The following CPXM2 variants were observed in gnomAD, a reference collection of about 807,000 sequenced individuals.
The protein encoded by CPXM2 is carboxypeptidase X, M14 family member 2, also known as inactive carboxypeptidase-like protein X2.
Under a neutral mutation model 86.1 loss-of-function variants are expected in CPXM2, and 66 were observed. The ratio of observed to expected loss-of-function variants is 0.77; its 90% CI spans 0.63 to 0.94. The LOEUF (loss-of-function observed/expected upper bound fraction) is 0.94. CPXM2 is among the 40% of genes least tolerant of loss of function. The pLI is 0.00. For missense variants in CPXM2, 948 were observed against 1,026.3 expected (o/e 0.92, Z 1.04); for synonymous variants, 388 against 400.2 (o/e 0.97, Z 0.36).
At chr10:123,809,623 T>C (rs2134089571) in intron 4 of CPXM2, among the ~76,000 whole-genome samples, 1 of 152,240 alleles carries the variant, frequency 6.6e-6, no homozygotes, top group African/African-American at 2.4e-5. Flanking sequence ...ATACATAAAT[T>C]GACTTAAGTA....
chr10:123,765,983 T>C (rs969767504), intron 10 of CPXM2, among the ~76,000 whole-genome samples: 3 of 152,246 alleles, frequency 2.0e-5, no homozygotes, highest in Non-Finnish European at 4.4e-5. Context: ...TTCCCAGCCT[T>C]CCTTGCAGTG....
intron 3 of CPXM2, among the ~76,000 whole-genome samples, chr10:123,860,713 G>A (rs1848831097): frequency 1.3e-5 from 2 of 152,198 alleles, no homozygotes; most frequent in Admixed American, 6.5e-5. Flanking sequence ...CTGGAGCCCC[G>A]TCTAGGGTAC....
chr10:123,756,567 G>T (rs1179553392), intron 12 of CPXM2, among the ~76,000 whole-genome samples: 2 of 152,166 alleles, frequency 1.3e-5, no homozygotes, highest in African/African-American at 2.4e-5. Flanking sequence ...GGACTCAGTT[G>T]TGTCCCCACC....
chr10:123,914,275 A>T (rs1458629155), intron 2 of CPXM2, among the ~76,000 whole-genome samples: 1 of 152,114 alleles, frequency 6.6e-6, no homozygotes, highest in Non-Finnish European at 1.5e-5. Flanking sequence ...ACATTCTCCC[A>T]TCTGGGATAC....
At chr10:123,773,066 C>T (rs1361734934) in intron 7 of CPXM2, among the ~76,000 whole-genome samples, 1 of 151,870 alleles carries the variant, frequency 6.6e-6, no homozygotes, top group Non-Finnish European at 1.5e-5. Flanking sequence ...GTGGTTATCA[C>T]TTCCCTGATT....
chr10:123,890,311 C>G (rs1945246714), intron 1 of CPXM2, among the ~76,000 whole-genome samples: 1 of 152,252 alleles, frequency 6.6e-6, no homozygotes, highest in African/African-American at 2.4e-5. Flanking sequence ...CAAATGGAAG[C>G]ATGCCAGGGC....
At chr10:123,884,604 G>A (rs925035877) in intron 1 of CPXM2, among the ~76,000 whole-genome samples, 1 of 152,172 alleles carries the variant, frequency 6.6e-6, no homozygotes, top group African/African-American at 2.4e-5. Context: ...GGGAGCCCGG[G>A]GGGAGGCTGT....
At chr10:123,772,247 G>A (rs577432294) in intron 7 of CPXM2, among the ~76,000 whole-genome samples, 37 of 119,836 alleles carry the variant, frequency 3.1e-4, no homozygotes, top group African/African-American at 9.2e-4. Context: ...TATAGCTATC[G>A]CTACCCTGGT....
intron 2 of CPXM2, among the ~76,000 whole-genome samples, chr10:123,863,239 C>A (rs189457951): frequency 2.6e-5 from 4 of 152,208 alleles, no homozygotes; most frequent in Non-Finnish European, 5.9e-5. Context: ...GCCCATTGTC[C>A]GTAAGAATGA....
At chr10:123,875,814 T>TC (rs1564808714) in intron 2 of CPXM2, among the ~76,000 whole-genome samples, 2 of 108,882 alleles carry the variant, frequency 1.8e-5, no homozygotes, top group African/African-American at 6.8e-5. Context: ...TTTCTTTTTT[T>TC]TTTTTTTTTT....
chr10:123,769,890 C>T (rs189877406), intron 8 of CPXM2, among the ~76,000 whole-genome samples: 98 of 152,298 alleles, frequency 6.4e-4, no homozygotes, highest in South Asian at 1.0e-3. Context: ...GTGCTGGGCT[C>T]GAGCTGACAA....
chr10:123,830,942 A>G (rs907986288), intron 4 of CPXM2, among the ~76,000 whole-genome samples: 1 of 145,592 alleles, frequency 6.9e-6, no homozygotes, highest in Non-Finnish European at 1.5e-5. Flanking sequence ...TGGAACTCTA[A>G]TCATGTAGTT....
intron 4 of CPXM2, among the ~76,000 whole-genome samples, chr10:123,828,063 C>T (rs181702169): frequency 3.9e-5 from 6 of 151,964 alleles, no homozygotes; most frequent in Admixed American, 6.6e-5. Context: ...CCTTGCTTCT[C>T]GGGAGGCTGA....
chr10:123,854,435 AT>A (rs1848675704), intron 3 of CPXM2, among the ~76,000 whole-genome samples: 1 of 119,606 alleles, frequency 8.4e-6, no homozygotes, highest in Non-Finnish European at 1.7e-5. Flanking sequence ...TATATATATA[AT>A]ATACTTTTAT....
At chr10:123,814,126 A>T (rs991869253) in intron 4 of CPXM2, among the ~76,000 whole-genome samples, 9 of 152,154 alleles carry the variant, frequency 5.9e-5, no homozygotes, top group Non-Finnish European at 1.2e-4. Flanking sequence ...GTTAATACTG[A>T]GTGTCAACTT....
chr10:123,919,164 C>T (rs953164493), intron 2 of CPXM2, among the ~76,000 whole-genome samples: 1 of 152,212 alleles, frequency 6.6e-6, no homozygotes, highest in Admixed American at 6.5e-5. Context: ...AGACTGGACC[C>T]TGGGTGGTCC....
Position 123,938,640 on chromosome 10 carries a change from C to T in CPXM2, n.174+837G>A, listed in dbSNP as rs375122077. 4.6e-5 allele frequency among the ~76,000 whole-genome samples: 7 copies of T among 152,320 alleles called. No homozygotes were observed. In the South Asian group the frequency reaches 1.0e-3, roughly 23 times the overall value. On this transcript the variant is annotated intron_variant and non_coding_transcript_variant, in intron 2 of 19. Transcript: ENST00000368854. ...CACCTGGCCAAGGGGAACAGGGTCA[C>T]TGTGACAGATGCCGTTAGCAAGCAA...
At chr10:123,834,070 A>G (rs574553942) in intron 4 of CPXM2, among the ~76,000 whole-genome samples, 81 of 152,334 alleles carry the variant, frequency 5.3e-4, no homozygotes, top group Middle Eastern at 3.4e-3. Flanking sequence ...AAATAGGTTC[A>G]AGGATGTGCA....
chr10:123,866,851 T>C (rs900052628), intron 2 of CPXM2, among the ~76,000 whole-genome samples: 3 of 152,244 alleles, frequency 2.0e-5, no homozygotes, highest in Non-Finnish European at 4.4e-5. Flanking sequence ...AGCAGTAAAG[T>C]CAGCTTCACT....
Sources: gnomAD v4.1 joint callset for allele counts (sites outside exome capture counted in the v4.1 genomes callset) on GRCh38, gnomAD v4.1.1 for gene constraint, MANE v1.5 for transcripts, NCBI Gene and HGNC (gene_info 2026-07-23, HGNC 2026-07-21) for gene names.